ZNF219: variants seen among roughly 807,000 people sequenced by gnomAD.
The protein encoded by ZNF219 is zinc finger protein 219.
Under a neutral mutation model 54.4 loss-of-function variants are expected in ZNF219, and 17 were observed. That is an observed-to-expected ratio of 0.31 (90% CI 0.21 to 0.47). The LOEUF is 0.47. Ranked by LOEUF, ZNF219 falls within the 20% of genes least tolerant of loss-of-function variation. The pLI is 1.00. For missense variants in ZNF219, 1,014 were observed against 1,062.3 expected (o/e 0.95, Z 0.63); for synonymous variants, 518 against 476.4 (o/e 1.09, Z -1.14).
upstream of ZNF219, chr14:21,101,622 C>T: frequency 1.5e-5 from 10 of 686,724 alleles, no homozygotes; most frequent in South Asian, 1.7e-4. Context: ...AGGCAAGACC[C>T]TTAATCTCCC....
chr14:21,103,469 C>T (rs929629599), upstream of ZNF219: 12 of 692,776 alleles, frequency 1.7e-5, no homozygotes, highest in African/African-American at 1.3e-4. Context: ...CCCTTGCATC[C>T]ATATCCTCTC....
At chr14:21,102,262 A>G (rs1413728245), upstream of ZNF219, 5 of 1,407,392 alleles carry the variant, frequency 3.6e-6, no homozygotes, top group African/African-American at 1.4e-5. Flanking sequence ...TGAGGAGGAA[A>G]GCAAAAAAGT....
At chr14:21,098,991 T>C, upstream of ZNF219, 1 of 462,846 alleles carries the variant, frequency 2.2e-6, no homozygotes, top group South Asian at 2.4e-5. Flanking sequence ...TTAAAGTTAC[T>C]CTTCGGTCCT....
chr14:21,092,916 C>G lies in ZNF219; in HGVS notation c.381G>C (p.Ala127=), dbSNP rs776222479. Residue 127 remains alanine (A), a synonymous_variant, in exon 3 of 5, where the codon GCG becomes GCC. Coordinates refer to ENST00000360947, the MANE Select transcript of ZNF219 (RefSeq NM_016423.3). ...ARLLLELEER[A]LLREARLGRA... is the part of the protein sequence containing the mutation. Reference sequence around the variant, plus strand: ...TCCCCAGTCGGGCCTCGCGTAGTAGCGCGCGCTCTTCCAACTCCAGCAACA... The same window carrying G: ...TCCCCAGTCGGGCCTCGCGTAGTAGGGCGCGCTCTTCCAACTCCAGCAACA... 1 of 1,559,968 alleles carries G rather than the reference C, an allele frequency of 6.4e-7. No individual in the cohort carries two copies. The highest frequency in any genetic ancestry group is 1.9e-5 in the Admixed American group (1 of 52,998).
chr14:21,093,002 G>A lies in ZNF219; in HGVS notation c.295C>T (p.Leu99=), dbSNP rs1268424692. ...TGTGTGCGCAGGTGCGAGCGCAGCA[G>A]AGCCCGCTGCGCCGCGCGGTGGCCG... ...HCGHRAAQRA[L]LRSHLRTHQP... The change falls in exon 3 of 5, where the codon CTG becomes TTG. Residue 99 remains leucine (L), a synonymous_variant. Transcript: ENST00000360947. 2 of 1,598,408 alleles carry A rather than the reference G, an allele frequency of 1.3e-6. No individual in the cohort carries two copies. Among genetic ancestry groups the A allele is most frequent in the Non-Finnish European group, 1.7e-6 (2 of 1,175,522 alleles).
At chr14:21,101,383 A>G, upstream of ZNF219, 1 of 1,551,690 alleles carries the variant, frequency 6.4e-7, no homozygotes, top group Non-Finnish European at 8.7e-7. Flanking sequence ...GGAGAGACAC[A>G]GCCTTCGTCT....
At chr14:21,097,176 C>T (rs1422428035) in intron 1 of ZNF219, among the ~76,000 whole-genome samples, 3 of 152,192 alleles carry the variant, frequency 2.0e-5, no homozygotes, top group African/African-American at 7.2e-5. Flanking sequence ...CCTCCTAACC[C>T]GCTCCACTCT....
At position 21,093,039 on chromosome 14, in the gene ZNF219, C is replaced by A. The variant is rs780673971; in HGVS notation, c.258G>T (p.Gln86His). The A allele has an allele frequency of 6.3e-7, 1 of 1,599,784 alleles. No individual in the cohort carries two copies. The highest frequency in any genetic ancestry group is 8.5e-7 in the Non-Finnish European group (1 of 1,175,434). The change falls in exon 3 of 5, where the codon CAG (glutamine) becomes CAT (histidine). Residue 86 changes from glutamine to histidine, a missense_variant. Transcript: ENST00000360947. The part of the protein sequence containing the change: ...LRAHPGAQAF[Q>H]CPHCGHRAAQ... ...CCGCGCGGTGGCCGCAGTGAGGGCA[C>A]TGGAAGGCCTGGGCTCCTGGGTGCG...
In ZNF219 at chr14:21,090,392, C is replaced by T; in HGVS notation, c.*144G>A. 8.6e-7 allele frequency: 1 copy of T among 1,168,016 alleles called. No homozygotes were observed. Among genetic ancestry groups the T allele is most frequent in the Non-Finnish European group, 1.2e-6 (1 of 838,834 alleles). 72.4% of individuals were successfully genotyped at this position (1,168,016 alleles called of 1,614,324 possible). On this transcript the variant is annotated 3_prime_UTR_variant, in exon 5 of 5. Coordinates refer to ENST00000360947, the MANE Select transcript of ZNF219 (RefSeq NM_016423.3). This position sits in a 1 kb window ranked among gnomAD's most constrained non-coding sequence, Gnocchi z 4.4. Reference sequence around the variant, plus strand: ...GTACCGCCAGCCCACCCTCCTACGCCCGCCGCGCCTTCCACCTCTGGTCCG... The same window carrying T: ...GTACCGCCAGCCCACCCTCCTACGCTCGCCGCGCCTTCCACCTCTGGTCCG...
At position 21,093,048 on chromosome 14, in the gene ZNF219, C is replaced by T. The variant is rs1351567398; in HGVS notation, c.249G>A (p.Gln83=). ...ALHLRAHPGA[Q]AFQCPHCGHR... ...GGCCGCAGTGAGGGCACTGGAAGGC[C>T]TGGGCTCCTGGGTGCGCCCGCAGGT... The change falls in exon 3 of 5, where the codon CAG becomes CAA. Residue 83 remains glutamine, a synonymous_variant. Coordinates refer to ENST00000360947, the MANE Select transcript of ZNF219 (RefSeq NM_016423.3). 6.3e-7 allele frequency: 1 copy of T among 1,599,374 alleles called. No individual in the cohort carries two copies. Among genetic ancestry groups the T allele is most frequent in the East Asian group, 2.2e-5 (1 of 44,496 alleles).
chr14:21,091,168 C>T (rs1236266699), intron 4 of ZNF219, 28 bp from the exon 5 acceptor site: 18 of 1,587,078 alleles, frequency 1.1e-5, no homozygotes, highest in Non-Finnish European at 1.5e-5. Flanking sequence ...GATAGGGTCA[C>T]GGGGTCACGA....
At position 21,092,755 on chromosome 14, in the gene ZNF219, T is replaced by C; in HGVS notation, c.542A>G (p.His181Arg). 1 of 1,581,932 alleles carries C rather than the reference T, an allele frequency of 6.3e-7. No homozygotes were observed. Residue 181 changes from histidine to arginine, a missense_variant, in exon 3 of 5, where the codon CAC becomes CGC. Coordinates refer to ENST00000360947, the MANE Select transcript of ZNF219 (RefSeq NM_016423.3). ...CCAGGGCCTATGCAGGATGTGCAGG[T>C]GGCGTTCGCGCTCCGCCGAGGTGCG... ...KFRTSAERER[H>R]LHILHRPWKC...
upstream of ZNF219, among the ~76,000 whole-genome samples, chr14:21,099,458 G>C (rs974885124): frequency 5.9e-5 from 9 of 152,046 alleles, no homozygotes; most frequent in African/African-American, 2.2e-4. Flanking sequence ...CAGTTTTCTG[G>C]ATCTCTTTAA....
chr14:21,090,794 G>C lies in ZNF219; in HGVS notation c.1911C>G (p.Gly637=). 6.3e-7 allele frequency: 1 copy of C among 1,579,900 alleles called. No homozygotes were observed. The highest frequency in any genetic ancestry group is 8.6e-7 in the Non-Finnish European group (1 of 1,163,616). ...GGAGGGCACCCCCAGGCCCGGCCTC[G>C]CCTCCCGGCCCTGCCCGCAAGGACA... The part of the protein sequence containing the change: ...LDLSLRAGPG[G]EAGPGGALHR... Residue 637 remains glycine (G), a synonymous_variant, in exon 5 of 5, where the codon GGC becomes GGG. Transcript: ENST00000360947. This position sits in a 1 kb window ranked among gnomAD's most constrained non-coding sequence, Gnocchi z 4.4.
At chr14:21,096,288 G>A (rs963411450) in intron 1 of ZNF219, among the ~76,000 whole-genome samples, 6 of 152,286 alleles carry the variant, frequency 3.9e-5, no homozygotes, top group Non-Finnish European at 5.9e-5. Flanking sequence ...TATACAAGAA[G>A]GCCCAAACTG....
At chr14:21,101,797 G>T (rs935527729), upstream of ZNF219, 8 of 1,262,506 alleles carry the variant, frequency 6.3e-6, no homozygotes, top group African/African-American at 1.2e-4. Context: ...TCTCTAAAGA[G>T]GTAGGAGTTA....
chr14:21,101,436 C>T (rs1007006986), upstream of ZNF219: 2 of 1,551,400 alleles, frequency 1.3e-6, no homozygotes, highest in African/African-American at 2.7e-5. Flanking sequence ...AGAGTGGGCA[C>T]CTCTTGGTGC....
In ZNF219 at chr14:21,092,594, G is replaced by A; in HGVS notation, c.703C>T (p.Pro235Ser). The part of the protein sequence containing the change: ...APPPQPQPQP[P>S]PQPEPRSVPQ... ...ACTGATCTGGGTTCGGGCTGGGGTG[G>A]AGGCTGAGGCTGAGGCTGAGGCGGA... is the stretch of plus-strand genomic sequence containing the variant. The change falls in exon 3 of 5, where the codon CCA becomes TCA. Residue 235 changes from proline (P) to serine (S), a missense_variant. Pro to Ser is a moderately conservative substitution (Grantham distance 74, BLOSUM62 -1). Transcript: ENST00000360947. 2.0e-6 allele frequency: 2 copies of A among 989,522 alleles called. No homozygotes were observed. Among genetic ancestry groups the A allele is most frequent in the African/African-American group, 2.5e-5 (1 of 39,904 alleles). 61.3% of individuals were successfully genotyped at this position (989,522 alleles called of 1,614,324 possible). A position where few individuals can be genotyped will look rare whatever the true frequency, so the allele number is the denominator to read the frequency against.
intron 3 of ZNF219, 41 bp downstream of exon 3, chr14:21,091,824 G>C: frequency 1.3e-6 from 2 of 1,489,278 alleles, no homozygotes; most frequent in Non-Finnish European, 1.8e-6. Context: ...AGAGTCAGAG[G>C]AGGACGCGGC....
Sources: gnomAD v4.1 joint callset for allele counts (sites outside exome capture counted in the v4.1 genomes callset) on GRCh38, gnomAD v4.1.1 for gene constraint, Gnocchi (gnomAD v3.1) non-coding constraint, MANE v1.5 for transcripts, NCBI Gene and HGNC (gene_info 2026-07-23, HGNC 2026-07-21) for gene names.